COA8: variants seen among roughly 807,000 people sequenced by gnomAD.
The protein encoded by COA8 is cytochrome c oxidase assembly factor 8.
COA8 carries 20 observed loss-of-function variants against 22.0 expected under a neutral mutation model. The observed-to-expected ratio is 0.91, with a 90% confidence interval of 0.64 to 1.32. The LOEUF (loss-of-function observed/expected upper bound fraction) is 1.32. COA8 is among the 40% of genes most tolerant of loss of function. The pLI, the probability that COA8 is intolerant of heterozygous loss-of-function variation, is 0.00. For synonymous variants in COA8, 105 were observed against 79.9 expected (o/e 1.31, Z -1.68); for missense variants, 266 against 230.0 (o/e 1.16, Z -1.01).
At chr14:103,580,855 G>C (rs1315108500) in intron 3 of COA8, among the ~76,000 whole-genome samples, 5 of 148,508 alleles carry the variant, frequency 3.4e-5, no homozygotes, top group African/African-American at 1.2e-4. Context: ...GGAGTGCAGT[G>C]GCGCAATCTC....
At chr14:103,588,290 A>G in intron 4 of COA8, 1 of 395,102 alleles carries the variant, frequency 2.5e-6, no homozygotes. Context: ...CAAGGTGGGT[A>G]GATCACTTGA....
rs996974803 is a variant in COA8 at position 103,584,944 on chromosome 14, T to C, written c.386-2330T>C. Reference sequence around the variant, plus strand: ...CATGAAGTCAGGAGTTCAAGACCAGTCTGACCGATGTGGTGAAACCCCGTC... The same window carrying C: ...CATGAAGTCAGGAGTTCAAGACCAGCCTGACCGATGTGGTGAAACCCCGTC... On this transcript the variant is annotated intron_variant, in intron 3 of 4. Transcript: ENST00000409074. Among the ~76,000 whole-genome samples the C allele has an allele frequency of 3.3e-4, 49 of 148,826 alleles. 2 individuals carry two copies. Among genetic ancestry groups the C allele is most frequent in the Admixed American group, 3.2e-3 (47 of 14,700 alleles).
At chr14:103,573,879 C>T (rs1315628528) in intron 2 of COA8, among the ~76,000 whole-genome samples, 1 of 152,074 alleles carries the variant, frequency 6.6e-6, no homozygotes, top group Admixed American at 6.6e-5. Flanking sequence ...AAACAAACAG[C>T]GTCTCCCAAA....
chr14:103,572,678 C>T (rs926188365), intron 2 of COA8, among the ~76,000 whole-genome samples: 3 of 151,612 alleles, frequency 2.0e-5, no homozygotes, highest in Non-Finnish European at 2.9e-5. Flanking sequence ...TGCAATGAGC[C>T]GAGAGCGCGC....
At position 103,587,308 on chromosome 14, in the gene COA8, G is replaced by A. The variant is rs771300575; in HGVS notation, c.420G>A (p.Ala140=). 9 of 1,613,270 alleles carry A rather than the reference G, an allele frequency of 5.6e-6. No homozygotes were observed. Among genetic ancestry groups the A allele is most frequent in the Non-Finnish European group, 7.6e-6 (9 of 1,179,580 alleles). The change falls in exon 4 of 5, where the codon GCG becomes GCA. Residue 140 remains alanine, a synonymous_variant. Transcript: ENST00000409074. ...CAACATTGAATGCAGAAGAAATGGCGGACTTCTACAAGGAATTTTTAAGTA... is the reference window on the plus strand; with the variant it reads ...CAACATTGAATGCAGAAGAAATGGCAGACTTCTACAAGGAATTTTTAAGTA... The part of the protein sequence containing the change: ...QKATLNAEEM[A]DFYKEFLSKN...
At chr14:103,587,449 C>G in intron 4 of COA8, 85 bp downstream of exon 4, 1 of 759,502 alleles carries the variant, frequency 1.3e-6, no homozygotes, top group East Asian at 2.9e-5. Context: ...TAACAACATT[C>G]ATGTTTATAT....
chr14:103,563,455 G>T (rs2296483), intron 1 of COA8: 7 of 435,908 alleles, frequency 1.6e-5, no homozygotes, highest in East Asian at 4.8e-5. Flanking sequence ...CTTACCGTGC[G>T]TTTTTTTTCG....
chr14:103,574,078 CTTTTTTT>C lies in COA8; in HGVS notation c.322-10_322-4del, dbSNP rs11337243. On this transcript the variant is annotated intron_variant, in intron 2 of 4. Coordinates refer to ENST00000409074, the MANE Select transcript of COA8 (RefSeq NM_001370595.2). ...AGACAGAGAAAGGAGTTCTGAGAGC[CTTTTTTT>C]TTTTTTTTTTTTTTTTTTAAGGAAA... The C allele has an allele frequency of 2.8e-5, 28 of 1,012,702 alleles. No individual in the cohort carries two copies. The highest frequency in any genetic ancestry group is 3.7e-5 in the Admixed American group (1 of 26,776). 62.7% of individuals were successfully genotyped at this position (1,012,702 alleles called of 1,614,324 possible).
chr14:103,564,300 T>C (rs2076117943), intron 1 of COA8, among the ~76,000 whole-genome samples: 1 of 152,198 alleles, frequency 6.6e-6, no homozygotes, highest in South Asian at 2.1e-4. Context: ...CAGGGCAACT[T>C]GCCAACCAGA....
chr14:103,569,369 A>G (rs747514726), intron 1 of COA8, among the ~76,000 whole-genome samples: 3 of 152,250 alleles, frequency 2.0e-5, no homozygotes, highest in Non-Finnish European at 4.4e-5. Flanking sequence ...TGATTTGAAA[A>G]TATCGGTACA....
intron 1 of COA8, among the ~76,000 whole-genome samples, chr14:103,567,229 C>T (rs2076142008): frequency 6.6e-6 from 1 of 151,700 alleles, no homozygotes. Context: ...AAAAATTAGC[C>T]GGGCGTGGTG....
chr14:103,585,471 C>A (rs2076298935), intron 3 of COA8, among the ~76,000 whole-genome samples: 1 of 109,192 alleles, frequency 9.2e-6, no homozygotes, highest in African/African-American at 3.3e-5. Flanking sequence ...AAAAGCGAAA[C>A]TCCGTCTCAA....
In COA8 at chr14:103,590,293, A is replaced by T. The variant is rs1346763955; in HGVS notation, c.*7A>T. On this transcript the variant is annotated 3_prime_UTR_variant, in exon 5 of 5. Transcript: ENST00000409074. ...AAAGAAGAGGAGCAACTAGGAGTCCACTCTGACCCAGCCAGAGTCCAGGTT... is the reference window on the plus strand; with the variant it reads ...AAAGAAGAGGAGCAACTAGGAGTCCTCTCTGACCCAGCCAGAGTCCAGGTT... The T allele has an allele frequency of 6.2e-7, 1 of 1,611,410 alleles. No homozygotes were observed. Among genetic ancestry groups the T allele is most frequent in the East Asian group, 2.2e-5 (1 of 44,844 alleles).
chr14:103,563,657 A>C (rs73361331), intron 1 of COA8, among the ~76,000 whole-genome samples: 2 of 152,150 alleles, frequency 1.3e-5, no homozygotes, highest in African/African-American at 2.4e-5. Flanking sequence ...GTGGCAAGCA[A>C]TTTTTATAAG....
chr14:103,577,247 T>C (rs2076236241), intron 3 of COA8, among the ~76,000 whole-genome samples: 2 of 151,952 alleles, frequency 1.3e-5, no homozygotes, highest in Non-Finnish European at 2.9e-5. Flanking sequence ...TTTGTGTGTG[T>C]GTGTGTGTTT....
intron 3 of COA8, among the ~76,000 whole-genome samples, chr14:103,575,720 G>A (rs1366956824): frequency 1.3e-5 from 2 of 152,078 alleles, no homozygotes; most frequent in Admixed American, 1.3e-4. Flanking sequence ...TGTTTCTTGA[G>A]TCAGGGTCTC....
intron 1 of COA8, among the ~76,000 whole-genome samples, chr14:103,570,025 T>G (rs1022359697): frequency 2.6e-5 from 4 of 152,040 alleles, no homozygotes; most frequent in Admixed American, 6.6e-5. Context: ...CATGGCTAAT[T>G]TTTGTATTTT....
rs765409857 is a variant in COA8 at position 103,581,104 on chromosome 14, A to G, written c.386-6170A>G. ...CGTGAGCCACCGCGCCCAGCCTGTTACACCATTTTATATAAAGGATTTGAG... is the reference window on the plus strand; with the variant it reads ...CGTGAGCCACCGCGCCCAGCCTGTTGCACCATTTTATATAAAGGATTTGAG... On this transcript the variant is annotated intron_variant, in intron 3 of 4. Coordinates refer to ENST00000409074, the MANE Select transcript of COA8 (RefSeq NM_001370595.2). The surrounding 1 kb of genome is among the most constrained non-coding windows in gnomAD (Gnocchi z 4.1). 6.6e-6 allele frequency among the ~76,000 whole-genome samples: 1 copy of G among 152,098 alleles called. No homozygotes were observed. Among genetic ancestry groups the G allele is most frequent in the Non-Finnish European group, 1.5e-5 (1 of 68,012 alleles).
At chr14:103,573,587 C>T (rs540863639) in intron 2 of COA8, among the ~76,000 whole-genome samples, 2 of 151,934 alleles carry the variant, frequency 1.3e-5, no homozygotes, top group African/African-American at 4.8e-5. Context: ...GAGTCTCACT[C>T]TGTTGTCCAG....
Sources: gnomAD v4.1 joint callset for allele counts (sites outside exome capture counted in the v4.1 genomes callset) on GRCh38, gnomAD v4.1.1 for gene constraint, Gnocchi (gnomAD v3.1) non-coding constraint, MANE v1.5 for transcripts, NCBI Gene and HGNC (gene_info 2026-07-23, HGNC 2026-07-21) for gene names.